The following PEMT variants were observed in gnomAD, a reference collection of about 807,000 sequenced individuals.
PEMT encodes the protein phospholipid methyltransferase.
A neutral mutation model predicts 27.4 loss-of-function variants in PEMT; 23 were observed. That is an observed-to-expected ratio of 0.84 (90% CI 0.60 to 1.19). The LOEUF (loss-of-function observed/expected upper bound fraction) is 1.19, where lower values mean the gene tolerates loss of function less well. Ranked by LOEUF, PEMT falls within the 50% of genes most tolerant of loss-of-function variation. The probability of loss-of-function intolerance (pLI) is 0.00; values close to 1 mark genes in which losing one functional copy is unlikely to be tolerated. For synonymous variants in PEMT, 137 were observed against 139.1 expected, an observed-to-expected ratio of 0.98 and a Z score of 0.11; for missense variants, 307 against 310.1, an observed-to-expected ratio of 0.99 and a Z score of 0.07.
chr17:17,551,834 C>A (rs1909674649), intron 2 of PEMT, among the ~76,000 whole-genome samples: 2 of 152,206 alleles, frequency 1.3e-5, no homozygotes, highest in South Asian at 4.1e-4. Context: ...TGGAGGAGGG[C>A]AGGGAACCTA....
intron 2 of PEMT, among the ~76,000 whole-genome samples, chr17:17,564,851 G>A (rs768878524): frequency 6.6e-5 from 10 of 152,218 alleles, no homozygotes; most frequent in Non-Finnish European, 1.5e-4. Context: ...CCTGGCCAGG[G>A]AGGGCCTTGG....
chr17:17,513,885 G>A lies in PEMT; in HGVS notation c.321-1231C>T, dbSNP rs1184794856. Among the ~76,000 whole-genome samples the A allele has an allele frequency of 6.6e-6, 1 of 152,172 alleles. No individual in the cohort carries two copies. Among genetic ancestry groups the A allele is most frequent in the Non-Finnish European group, 1.5e-5 (1 of 68,042 alleles). On this transcript the variant is annotated intron_variant, in intron 3 of 6. Coordinates refer to ENST00000255389, the MANE Select transcript of PEMT (RefSeq NM_148172.3). The surrounding 1 kb of genome is among the most constrained non-coding windows in gnomAD (Gnocchi z 4.1). ...CCATGCTCACAATAATCACAACACAGAAGAGACATGGAGATCTGCTACCTC... is the reference window on the plus strand; with the variant it reads ...CCATGCTCACAATAATCACAACACAAAAGAGACATGGAGATCTGCTACCTC...
Position 17,506,299 on chromosome 17 carries a change from TG to T in PEMT, c.580del (p.His194ThrfsTer9). 1 of 1,574,364 alleles carries T rather than the reference TG, an allele frequency of 6.4e-7. No homozygotes were observed. Among genetic ancestry groups the T allele is most frequent in the Non-Finnish European group, 8.6e-7 (1 of 1,159,152 alleles). ...CAGGAGCAGGCCCGTGGGGCTGGCG[TG>T]CCTGAAAGGACAGAGGCAGGTCAGG... ...TANYLGWAIM[H>X]ASPTGLLLTV... is the part of the protein sequence containing the mutation. On this transcript the variant is annotated frameshift_variant and splice_region_variant, in exon 6 of 7. Coordinates refer to ENST00000255389, the MANE Select transcript of PEMT (RefSeq NM_148172.3). LOFTEE classifies it high-confidence loss of function.
chr17:17,518,620 A>C (rs1175730972), intron 3 of PEMT, among the ~76,000 whole-genome samples: 1 of 152,216 alleles, frequency 6.6e-6, no homozygotes, highest in Non-Finnish European at 1.5e-5. Context: ...ACCCGCTGGC[A>C]GGTCAGCTGC....
intron 2 of PEMT, among the ~76,000 whole-genome samples, chr17:17,548,038 G>A (rs1006178668): frequency 2.0e-5 from 3 of 152,332 alleles, no homozygotes; most frequent in Non-Finnish European, 2.9e-5. Context: ...TCTGCTGCAC[G>A]CACAGCAGCG....
chr17:17,522,226 G>C, intron 3 of PEMT, 54 bp downstream of exon 3: 1 of 1,305,908 alleles, frequency 7.7e-7, no homozygotes, highest in South Asian at 1.2e-5. Flanking sequence ...CACCAGTAGC[G>C]GCCCTCCCGC....
In PEMT at chr17:17,574,110, C is replaced by T. The variant is rs764406721; in HGVS notation, c.204+2810G>A. Among the ~76,000 whole-genome samples the T allele has an allele frequency of 4.6e-5, 7 of 151,982 alleles. No homozygotes were observed. The South Asian group carries it at 6.2e-4, about 14-fold the overall frequency. The stretch of plus-strand genomic sequence containing the variant: ...GGATACTCTCCCCGGCAGCAGCCCA[C>T]GGAACTGCAACATGTTTCTTAACTT... On this transcript the variant is annotated intron_variant, in intron 2 of 6. Transcript: ENST00000255389.
At chr17:17,542,134 C>T (rs1346550415) in intron 2 of PEMT, among the ~76,000 whole-genome samples, 5 of 152,186 alleles carry the variant, frequency 3.3e-5, no homozygotes, top group Non-Finnish European at 7.3e-5. Context: ...GTGCTCACCA[C>T]CACACCCAGC....
At chr17:17,563,205 G>C (rs918251131) in intron 2 of PEMT, among the ~76,000 whole-genome samples, 1 of 151,778 alleles carries the variant, frequency 6.6e-6, no homozygotes, top group Admixed American at 6.5e-5. Context: ...AGAGAAGCAC[G>C]TTGGGGGTTC....
chr17:17,533,892 G>A lies in PEMT; in HGVS notation c.205-11497C>T, dbSNP rs191368859. 2.9e-4 allele frequency among the ~76,000 whole-genome samples: 44 copies of A among 152,094 alleles called. 1 individual carries two copies. Among genetic ancestry groups the A allele is most frequent in the Admixed American group, 2.5e-3 (38 of 15,274 alleles). Reference sequence around the variant, plus strand: ...ATTACAGGTGCATGCCACGACACCCGGCTAATTTTTGTATTTTTAGTAGAG... The same window carrying A: ...ATTACAGGTGCATGCCACGACACCCAGCTAATTTTTGTATTTTTAGTAGAG... On this transcript the variant is annotated intron_variant, in intron 2 of 6. Transcript: ENST00000255389.
chr17:17,532,586 C>T (rs891065620), intron 2 of PEMT, among the ~76,000 whole-genome samples: 1 of 152,226 alleles, frequency 6.6e-6, no homozygotes, highest in Non-Finnish European at 1.5e-5. Flanking sequence ...GCAATACTCT[C>T]CAAACTGATC....
intron 2 of PEMT, among the ~76,000 whole-genome samples, chr17:17,542,221 TCTAC>T (rs373083256): frequency 1.8e-5 from 2 of 108,794 alleles, no homozygotes; most frequent in Admixed American, 9.4e-5. Flanking sequence ...CCTCAGGTGA[TCTAC>T]CCGCCTCAGC....
chr17:17,588,562 G>A (rs188784993), intron 1 of PEMT, among the ~76,000 whole-genome samples: 61 of 152,148 alleles, frequency 4.0e-4, no homozygotes, highest in African/African-American at 1.4e-3. Flanking sequence ...CCCCCTCACT[G>A]TCCCCATTCT....
chr17:17,515,011 G>A (rs957210255), intron 3 of PEMT, among the ~76,000 whole-genome samples: 3 of 152,216 alleles, frequency 2.0e-5, no homozygotes, highest in African/African-American at 7.2e-5. Flanking sequence ...GGTTTGGAAT[G>A]CACTCTGCCT....
At chr17:17,529,209 C>T (rs1455635107) in intron 2 of PEMT, among the ~76,000 whole-genome samples, 1 of 152,202 alleles carries the variant, frequency 6.6e-6, no homozygotes, top group East Asian at 1.9e-4. Context: ...CCAGCCGGCC[C>T]GGTGACCTGG....
chr17:17,506,958 G>A lies in PEMT; in HGVS notation c.579-657C>T, dbSNP rs1905911281. The A allele has an allele frequency of 6.8e-6, 4 of 585,000 alleles. No homozygotes were observed. The East Asian group carries it at 8.6e-5, about 13-fold the overall frequency. 36.2% of individuals were successfully genotyped at this position (585,000 alleles called of 1,614,324 possible). ...GAGCCCCCGGTCACCCCAGCCCAGA[G>A]GACGGGAGGCCCCAGGCAGAGCATA... On this transcript the variant is annotated intron_variant, in intron 5 of 6. Transcript: ENST00000255389.
At chr17:17,535,201 G>A (rs1296380380) in intron 2 of PEMT, among the ~76,000 whole-genome samples, 4 of 152,106 alleles carry the variant, frequency 2.6e-5, no homozygotes, top group East Asian at 1.9e-4. Flanking sequence ...GAACCACCAC[G>A]TCTGGCCTGT....
intron 2 of PEMT, among the ~76,000 whole-genome samples, chr17:17,569,615 T>C (rs1391933930): frequency 6.6e-6 from 1 of 152,198 alleles, no homozygotes; most frequent in Admixed American, 6.5e-5. Context: ...CCTTCAGGTT[T>C]ACGGGGTCCC....
At chr17:17,506,366 GC>G in intron 5 of PEMT, 65 bp from the exon 6 acceptor site, 1 of 1,228,962 alleles carries the variant, frequency 8.1e-7, no homozygotes, top group Non-Finnish European at 1.1e-6. Context: ...CGGCCCACCT[GC>G]CCAGGCTGGC....
Sources: allele counts gnomAD v4.1 joint callset (sites outside exome capture counted in the v4.1 genomes callset), GRCh38; gene constraint gnomAD v4.1.1; non-coding constraint Gnocchi (gnomAD v3.1); transcripts MANE v1.5; gene names NCBI Gene and HGNC (gene_info 2026-07-23, HGNC 2026-07-21).